The following URGCP variants were observed in gnomAD, a reference collection of about 807,000 sequenced individuals.
The protein encoded by URGCP is upregulator of cell proliferation, also known as up-regulator of cell proliferation.
Under a neutral mutation model 24.6 loss-of-function variants are expected in URGCP, and 13 were observed. The ratio of observed to expected loss-of-function variants is 0.53; its 90% CI spans 0.34 to 0.84. The LOEUF is 0.84. Among genes scored for constraint, URGCP ranks in the 40% least tolerant of loss-of-function variants. URGCP has a pLI of 0.01. For missense variants in URGCP, 899 were observed against 1,194.3 expected (o/e 0.75, Z 3.64); for synonymous variants, 444 against 487.2 (o/e 0.91, Z 1.17).
At position 43,899,812 on chromosome 7, in the gene URGCP, G is replaced by A. The variant is rs550413048; in HGVS notation, c.14+6750C>T. On this transcript the variant is annotated intron_variant, in intron 1 of 5. Coordinates refer to ENST00000453200, the MANE Select transcript of URGCP (RefSeq NM_001077663.3). ...CTGGATCTAAGATTAAGTTTTTAGTGCCCTAAAAGAAAGTATTAGAGACCC... is the reference window on the plus strand; with the variant it reads ...CTGGATCTAAGATTAAGTTTTTAGTACCCTAAAAGAAAGTATTAGAGACCC... 2.0e-5 allele frequency among the ~76,000 whole-genome samples: 3 copies of A among 152,264 alleles called. No individual in the cohort carries two copies. The East Asian group carries it at 5.8e-4, about 29-fold the overall frequency.
At position 43,890,360 on chromosome 7, in the gene URGCP, G is replaced by A. The variant is rs111622333; in HGVS notation, c.15-2544C>T. Among the ~76,000 whole-genome samples, 1,104 of 151,204 alleles carry A rather than the reference G, an allele frequency of 7.3e-3. 6 individuals are homozygous for A. The highest frequency in any genetic ancestry group is 0.012 in the Non-Finnish European group (806 of 67,822). On this transcript the variant is annotated intron_variant, in intron 1 of 5. Coordinates refer to ENST00000453200, the MANE Select transcript of URGCP (RefSeq NM_001077663.3). Reference sequence around the variant, plus strand: ...CTCCCGAGTAGCTGGGACTACAGGCGCCCACGACCACGCCCGGCTAATTTT... The same window carrying A: ...CTCCCGAGTAGCTGGGACTACAGGCACCCACGACCACGCCCGGCTAATTTT...
chr7:43,891,009 A>G (rs960315209), intron 1 of URGCP, among the ~76,000 whole-genome samples: 1 of 152,146 alleles, frequency 6.6e-6, no homozygotes, highest in African/African-American at 2.4e-5. Context: ...TGCCCAGCAG[A>G]ATTATCTTAG....
chr7:43,880,135 G>A (rs2095851636), intron 5 of URGCP, among the ~76,000 whole-genome samples: 1 of 152,110 alleles, frequency 6.6e-6, no homozygotes, highest in South Asian at 2.1e-4. Flanking sequence ...ATGTTGCCCA[G>A]GCTGGTCTCG....
In URGCP at chr7:43,878,185, G is replaced by A. The variant is rs1275518609; in HGVS notation, c.1278C>T (p.Ser426=). 1 of 1,614,250 alleles carries A rather than the reference G, an allele frequency of 6.2e-7. No homozygotes were observed. Among genetic ancestry groups the A allele is most frequent in the Admixed American group, 1.7e-5 (1 of 60,024 alleles). Residue 426 remains serine (S), a synonymous_variant, in exon 6 of 6, where the codon AGC becomes AGT. Transcript: ENST00000453200. This position sits in a 1 kb window ranked among gnomAD's most constrained non-coding sequence, Gnocchi z 5.6. ...LVKVSSTDSD[S]FVKRIRAIVG... ...CGATGGCCCGGATCCTCTTCACGAA[G>A]CTGTCGCTGTCAGTGCTGCTGACCT...
chr7:43,898,791 T>TA (rs1562583091), intron 1 of URGCP, among the ~76,000 whole-genome samples: 981 of 70,902 alleles, frequency 0.014, 10 homozygotes, highest in African/African-American at 0.033. Context: ...ATAAATAAAT[T>TA]TATTTTAATT....
In URGCP at chr7:43,876,780, A is replaced by T; in HGVS notation, c.2683T>A (p.Tyr895Asn). Residue 895 changes from tyrosine to asparagine, a missense_variant, in exon 6 of 6, where the codon TAC (tyrosine) becomes AAC (asparagine). Coordinates refer to ENST00000453200, the MANE Select transcript of URGCP (RefSeq NM_001077663.3). ...APPMAAVSLA[Y>N]SEAIFELKRC... is the part of the protein sequence containing the mutation. ...TTCAATTCAAATATGGCTTCACTGT[A>T]GGCCAAGCTCACTGCGGCCATGGGA... 6.2e-7 allele frequency: 1 copy of T among 1,614,220 alleles called. No homozygotes were observed. The highest frequency in any genetic ancestry group is 8.5e-7 in the Non-Finnish European group (1 of 1,180,036).
chr7:43,879,452 T>C (rs549563205), intron 5 of URGCP, among the ~76,000 whole-genome samples, 192 bp from the exon 6 acceptor site: 2 of 152,238 alleles, frequency 1.3e-5, no homozygotes, highest in East Asian at 3.9e-4. Context: ...AACCCGGACA[T>C]CAAGGTACAA....
chr7:43,907,461 C>G (rs1028393121), upstream of URGCP, among the ~76,000 whole-genome samples: 1 of 151,866 alleles, frequency 6.6e-6, no homozygotes, highest in African/African-American at 2.4e-5. Context: ...ATTGAGATGA[C>G]CCCCTGCCCG....
intron 1 of URGCP, chr7:43,906,264 G>C (rs966131713): frequency 6.4e-6 from 1 of 157,104 alleles, no homozygotes; most frequent in Non-Finnish European, 1.4e-5. Flanking sequence ...CGCGCCCCGG[G>C]CACCTCCGGG....
rs2095918718 is a variant in URGCP at position 43,918,848 on chromosome 7, T to C, written c.-116+7284A>G. 3 of 1,377,590 alleles carry C rather than the reference T, an allele frequency of 2.2e-6. No individual in the cohort carries two copies. The Admixed American group carries it at 5.0e-5, about 23-fold the overall frequency. 85.3% of individuals were successfully genotyped at this position (1,377,590 alleles called of 1,614,324 possible). A position where few individuals can be genotyped will look rare whatever the true frequency, so the allele number is the denominator to read the frequency against. Reference sequence around the variant, plus strand: ...AGGGCACTGACCACAAGGACATCTTTTTCTACCAGGCAGACGATGAGCACT... The same window carrying C: ...AGGGCACTGACCACAAGGACATCTTCTTCTACCAGGCAGACGATGAGCACT... On this transcript the variant is annotated intron_variant, in intron 1 of 5. Transcript: ENST00000426198.
intron 1 of URGCP, chr7:43,919,157 A>G (rs946779623): frequency 1.2e-5 from 10 of 869,156 alleles, no homozygotes; most frequent in Non-Finnish European, 2.0e-5. Flanking sequence ...CCTACCTCTT[A>G]GAATGGCTGA....
Position 43,878,887 on chromosome 7 carries a change from G to A in URGCP, c.576C>T (p.Leu192=). The A allele has an allele frequency of 6.2e-7, 1 of 1,614,258 alleles. No homozygotes were observed. Among genetic ancestry groups the A allele is most frequent in the Non-Finnish European group, 8.5e-7 (1 of 1,180,044 alleles). ...NPLDLLCALL[L]SSDSFLQQEI... is the part of the protein sequence containing the mutation. ...CTTGTTGCAGGAAACTGTCTGAGGA[G>A]AGCAGCAGGGCACAGAGAAGGTCTA... Residue 192 remains leucine, a synonymous_variant, in exon 6 of 6, where the codon CTC becomes CTT. Coordinates refer to ENST00000453200, the MANE Select transcript of URGCP (RefSeq NM_001077663.3). This position sits in a 1 kb window ranked among gnomAD's most constrained non-coding sequence, Gnocchi z 5.6.
chr7:43,919,431 T>TGG, intron 1 of URGCP: 1 of 907,550 alleles, frequency 1.1e-6, no homozygotes, highest in Non-Finnish European at 1.9e-6. Context: ...CACCCTGCGC[T>TGG]ACCCCAGCTA....
chr7:43,917,010 G>A (rs1472727166), intron 1 of URGCP, among the ~76,000 whole-genome samples: 1 of 152,054 alleles, frequency 6.6e-6, no homozygotes, highest in Non-Finnish European at 1.5e-5. Flanking sequence ...ATGGGTGATT[G>A]TGTCCCCATG....
At chr7:43,879,915 T>C (rs1204796727) in intron 5 of URGCP, 3 of 152,184 alleles carry the variant, frequency 2.0e-5, no homozygotes, top group Non-Finnish European at 4.4e-5. Context: ...TTTTCTTTCT[T>C]TTTTCCTCTC....
At chr7:43,900,824 GGTATCGTCCACT>G (rs2095889254) in intron 1 of URGCP, among the ~76,000 whole-genome samples, 1 of 152,174 alleles carries the variant, frequency 6.6e-6, no homozygotes, top group African/African-American at 2.4e-5. Flanking sequence ...CATAATTGAA[GGTATCGTCCACT>G]CTGTCAACAC....
upstream of URGCP, among the ~76,000 whole-genome samples, chr7:43,908,081 A>AT (rs1332593345): frequency 6.6e-6 from 1 of 151,986 alleles, no homozygotes; most frequent in Non-Finnish European, 1.5e-5. Flanking sequence ...AACTAAAAGA[A>AT]TTTTTTCTTT....
At chr7:43,909,393 T>A (rs745908919), upstream of URGCP, among the ~76,000 whole-genome samples, 6 of 152,222 alleles carry the variant, frequency 3.9e-5, no homozygotes, top group Non-Finnish European at 5.9e-5. Flanking sequence ...GTGTAACTTT[T>A]ACAATTTTTC....
At chr7:43,906,023 G>C (rs1486350699) in intron 1 of URGCP, 12 of 152,212 alleles carry the variant, frequency 7.9e-5, no homozygotes, top group Non-Finnish European at 1.2e-4. Flanking sequence ...TCCCGGAGCG[G>C]CTCTCCGGCT....
Sources: gnomAD v4.1 joint callset for allele counts (sites outside exome capture counted in the v4.1 genomes callset) on GRCh38, gnomAD v4.1.1 for gene constraint, Gnocchi (gnomAD v3.1) non-coding constraint, MANE v1.5 for transcripts, NCBI Gene and HGNC (gene_info 2026-07-23, HGNC 2026-07-21) for gene names.